ATAD2: variants seen among roughly 807,000 people sequenced by gnomAD.
The protein encoded by ATAD2 is ATPase family AAA domain containing 2.
ATAD2 carries 62 observed loss-of-function variants against 168.9 expected under a neutral mutation model. That is an observed-to-expected ratio of 0.37 (90% confidence interval 0.30 to 0.45). The LOEUF (loss-of-function observed/expected upper bound fraction) is 0.45. Ranked by LOEUF, ATAD2 falls within the 20% of genes least tolerant of loss-of-function variation. ATAD2 has a pLI of 1.00. For missense variants in ATAD2, 1,419 were observed against 1,667.8 expected, an observed-to-expected ratio of 0.85 and a Z score of 2.60; for synonymous variants, 613 against 571.6, an observed-to-expected ratio of 1.07 and a Z score of -1.03.
intron 26 of ATAD2, among the ~76,000 whole-genome samples, chr8:123,324,944 T>G (rs978171176): frequency 3.3e-5 from 5 of 152,028 alleles, no homozygotes; most frequent in African/African-American, 1.2e-4. Context: ...GCATGGTGGC[T>G]CATGCCTATA....
At chr8:123,339,924 GCT>G (rs1285423852) in intron 19 of ATAD2, among the ~76,000 whole-genome samples, 1 of 151,256 alleles carries the variant, frequency 6.6e-6, no homozygotes, top group African/African-American at 2.4e-5. Flanking sequence ...ACAAGGTCTC[GCT>G]CTGTCACTCA....
chr8:123,389,059 T>C (rs2071639389), intron 1 of ATAD2, among the ~76,000 whole-genome samples: 1 of 151,178 alleles, frequency 6.6e-6, no homozygotes, highest in African/African-American at 2.4e-5. Flanking sequence ...CTCCGCCTCC[T>C]GGGTTCACGC....
chr8:123,410,147 A>T (rs1390285693), intron 1 of ATAD2, among the ~76,000 whole-genome samples: 1 of 152,124 alleles, frequency 6.6e-6, no homozygotes, highest in Non-Finnish European at 1.5e-5. Flanking sequence ...CACTGGACAC[A>T]GGTTTCTTTG....
chr8:123,335,336 A>T (rs1371609192), intron 22 of ATAD2, among the ~76,000 whole-genome samples: 2 of 152,166 alleles, frequency 1.3e-5, no homozygotes, highest in African/African-American at 4.8e-5. Context: ...CAGAACTCTG[A>T]ACTACAGGGA....
intron 1 of ATAD2, among the ~76,000 whole-genome samples, chr8:123,404,906 C>A (rs1338151193): frequency 1.3e-5 from 2 of 152,196 alleles, no homozygotes; most frequent in Non-Finnish European, 2.9e-5. Context: ...CCAGAATGAT[C>A]TCATTTTGAG....
At chr8:123,339,257 T>C (rs1183644728) in intron 20 of ATAD2, 54 bp downstream of exon 20, 1 of 1,394,186 alleles carries the variant, frequency 7.2e-7, no homozygotes, top group African/African-American at 1.5e-5. Flanking sequence ...CATTAACTAT[T>C]TCATTCCTAC....
intron 1 of ATAD2, among the ~76,000 whole-genome samples, chr8:123,390,709 A>G (rs1162838313): frequency 6.6e-6 from 1 of 152,216 alleles, no homozygotes; most frequent in Admixed American, 6.5e-5. Context: ...ATTTTACCTA[A>G]CACACAGAAA....
intron 1 of ATAD2, among the ~76,000 whole-genome samples, chr8:123,391,052 G>A (rs140105736): frequency 5.3e-5 from 8 of 151,310 alleles, no homozygotes; most frequent in Admixed American, 3.3e-4. Flanking sequence ...AGTAATGTAC[G>A]ATCATCATCA....
intron 12 of ATAD2, 111 bp downstream of exon 12, chr8:123,357,451 A>G (rs992569637): frequency 2.8e-5 from 30 of 1,054,200 alleles, no homozygotes; most frequent in Non-Finnish European, 3.7e-5. Flanking sequence ...AAATAGTCTA[A>G]TTCTTCTGGG....
intron 2 of ATAD2, among the ~76,000 whole-genome samples, chr8:123,374,094 G>A (rs1829235830): frequency 6.6e-6 from 1 of 152,188 alleles, no homozygotes; most frequent in Admixed American, 6.5e-5. Flanking sequence ...GCTGGGCACA[G>A]TGGCTCATGC....
At chr8:123,342,040 C>G (rs2131311914) in intron 19 of ATAD2, among the ~76,000 whole-genome samples, 1 of 152,248 alleles carries the variant, frequency 6.6e-6, no homozygotes, top group South Asian at 2.1e-4. Flanking sequence ...GAGCCAAGAT[C>G]GCACCCCTAC....
At chr8:123,393,616 A>T (rs1446431625) in intron 1 of ATAD2, among the ~76,000 whole-genome samples, 1 of 152,076 alleles carries the variant, frequency 6.6e-6, no homozygotes, top group Non-Finnish European at 1.5e-5. Flanking sequence ...TCAAGAATCT[A>T]TTATAATCCA....
intron 1 of ATAD2, among the ~76,000 whole-genome samples, chr8:123,386,526 TA>T (rs1226605743): frequency 1.3e-5 from 2 of 151,550 alleles, no homozygotes; most frequent in Admixed American, 1.3e-4. Context: ...GAACTGGGAG[TA>T]AGTGTTTAAT....
rs150166425 is a variant in ATAD2 at position 123,380,640 on chromosome 8, C to T, written c.209G>A (p.Arg70Gln). 38 of 1,613,882 alleles carry T rather than the reference C, an allele frequency of 2.4e-5. No homozygotes were observed. The Admixed American group carries it at 4.3e-4, about 18-fold the overall frequency. Residue 70 changes from arginine to glutamine, a missense_variant, in exon 2 of 28, where the codon CGG becomes CAG. By Grantham distance (43) the Arg-to-Gln change is conservative. This residue lies in a region of ATAD2 where 419 missense variants were observed against 423.5 expected (regional missense o/e 0.99). Coordinates refer to ENST00000287394, the MANE Select transcript of ATAD2 (RefSeq NM_014109.4). ...TCTCAAAGATCTTAAAGCACGTGTCCGGTGGTAGGTTTCAACTTCCTTAAC... is the reference window on the plus strand; with the variant it reads ...TCTCAAAGATCTTAAAGCACGTGTCTGGTGGTAGGTTTCAACTTCCTTAAC... ...SSVKEVETYH[R>Q]TRALRSLRKD...
At chr8:123,365,002 A>G (rs1372598913) in intron 8 of ATAD2, among the ~76,000 whole-genome samples, 1 of 152,010 alleles carries the variant, frequency 6.6e-6, no homozygotes, top group Non-Finnish European at 1.5e-5. Flanking sequence ...TCTGCTGATT[A>G]TATGATTGTG....
chr8:123,391,344 C>CA (rs1829819995), intron 1 of ATAD2, among the ~76,000 whole-genome samples: 1 of 151,310 alleles, frequency 6.6e-6, no homozygotes, highest in Non-Finnish European at 1.5e-5. Context: ...CAGGAAAAAA[C>CA]AAAAACACAA....
At chr8:123,356,209 T>C in intron 13 of ATAD2, 180 bp downstream of exon 13, 1 of 366,632 alleles carries the variant, frequency 2.7e-6, no homozygotes, top group East Asian at 4.7e-5. Context: ...GGAATACAGG[T>C]ATGAGCCACT....
At position 123,337,611 on chromosome 8, in the gene ATAD2, G is replaced by C; in HGVS notation, c.3051+14C>G. On this transcript the variant is annotated intron_variant, in intron 21 of 27. Coordinates refer to ENST00000287394, the MANE Select transcript of ATAD2 (RefSeq NM_014109.4). ...TGGCCTAGAATACACTTGATCCAAA[G>C]ATTAAACTAATACCTCATCAGGGTC... The C allele has an allele frequency of 6.3e-7, 1 of 1,579,520 alleles. No homozygotes were observed. Among genetic ancestry groups the C allele is most frequent in the African/African-American group, 1.4e-5 (1 of 73,928 alleles).
rs1829741141 is a variant in ATAD2, at chr8:123,389,303, C to CT, written c.171+6883_171+6884insA. 2.0e-5 allele frequency among the ~76,000 whole-genome samples: 3 copies of CT among 148,956 alleles called. No homozygotes were observed. In the South Asian group the frequency reaches 6.5e-4, roughly 32 times the overall value. ...TGCTTTGCTGTTTTCTATTCATCCT[C>CT]AAGGACAAGCAGTCCCAACCTCTTA... On this transcript the variant is annotated intron_variant, in intron 1 of 27. Coordinates refer to ENST00000287394, the MANE Select transcript of ATAD2 (RefSeq NM_014109.4).
Sources: allele counts gnomAD v4.1 joint callset (sites outside exome capture counted in the v4.1 genomes callset), GRCh38; gene constraint gnomAD v4.1.1; regional missense constraint gnomAD v4.1.1; transcripts MANE v1.5; gene names NCBI Gene and HGNC (gene_info 2026-07-23, HGNC 2026-07-21).